The following MAPKAP1 variants were observed in gnomAD, a reference collection of about 807,000 sequenced individuals.
The protein encoded by MAPKAP1 is MAPK associated protein 1.
A neutral mutation model predicts 65.7 loss-of-function variants in MAPKAP1; 20 were observed. That is an observed-to-expected ratio of 0.30 (90% CI 0.21 to 0.44). The LOEUF (loss-of-function observed/expected upper bound fraction) is 0.44. Ranked by LOEUF, MAPKAP1 falls within the 20% of genes least tolerant of loss-of-function variation. MAPKAP1 has a pLI of 1.00. For missense variants in MAPKAP1, 423 were observed against 648.0 expected (o/e 0.65, Z 3.77); for synonymous variants, 222 against 244.3 (o/e 0.91, Z 0.85).
chr9:125,635,647 A>C (rs1382734674), intron 4 of MAPKAP1, among the ~76,000 whole-genome samples: 1 of 152,236 alleles, frequency 6.6e-6, no homozygotes, highest in Non-Finnish European at 1.5e-5. Flanking sequence ...AACTCAACAC[A>C]AAAGCAGGTA....
intron 4 of MAPKAP1, among the ~76,000 whole-genome samples, chr9:125,649,798 CAAA>C (rs35503728): frequency 6.6e-5 from 5 of 76,202 alleles, no homozygotes; most frequent in African/African-American, 5.6e-5. Context: ...AACTCCGTCT[CAAA>C]AAAAAAAAAA....
At chr9:125,456,950 TC>T (rs933125309) in intron 10 of MAPKAP1, among the ~76,000 whole-genome samples, 10 of 152,144 alleles carry the variant, frequency 6.6e-5, no homozygotes, top group Admixed American at 5.9e-4. Flanking sequence ...AATGCACTGA[TC>T]TTTTTTCATC....
At chr9:125,648,702 G>A (rs934564934) in intron 4 of MAPKAP1, among the ~76,000 whole-genome samples, 1 of 152,296 alleles carries the variant, frequency 6.6e-6, no homozygotes, top group African/African-American at 2.4e-5. Context: ...CAGCACTTTG[G>A]GAGGCCGAGG....
intron 9 of MAPKAP1, among the ~76,000 whole-genome samples, chr9:125,472,696 C>T (rs114219387): frequency 0.011 from 1,653 of 152,144 alleles, 39 homozygotes; most frequent in African/African-American, 0.037. Flanking sequence ...AATAGTTGAT[C>T]CAACAATGAT....
At chr9:125,501,577 A>G (rs1828983147) in intron 8 of MAPKAP1, among the ~76,000 whole-genome samples, 1 of 152,174 alleles carries the variant, frequency 6.6e-6, no homozygotes, top group African/African-American at 2.4e-5. Flanking sequence ...CAGTGGATAT[A>G]GGATTGGAGT....
intron 1 of MAPKAP1, among the ~76,000 whole-genome samples, chr9:125,699,700 A>G (rs992989576): frequency 6.7e-6 from 1 of 150,120 alleles, no homozygotes; most frequent in Non-Finnish European, 1.5e-5. Flanking sequence ...TGGTGTGATC[A>G]TGGCTCACAG....
chr9:125,691,419 TG>T (rs985519932), intron 1 of MAPKAP1, among the ~76,000 whole-genome samples: 1 of 151,940 alleles, frequency 6.6e-6, no homozygotes, highest in Admixed American at 6.6e-5. Flanking sequence ...AGTGGGGAGA[TG>T]AGGAGTTATG....
intron 4 of MAPKAP1, among the ~76,000 whole-genome samples, chr9:125,645,484 C>A (rs774925308): frequency 3.3e-5 from 5 of 152,188 alleles, no homozygotes; most frequent in Non-Finnish European, 7.3e-5. Context: ...CGCCTATGAT[C>A]CCAGCACTTT....
At chr9:125,697,329 TA>T (rs1353544374) in intron 1 of MAPKAP1, among the ~76,000 whole-genome samples, 1 of 152,246 alleles carries the variant, frequency 6.6e-6, no homozygotes, top group Non-Finnish European at 1.5e-5. Flanking sequence ...ATATCAATTT[TA>T]AACTATGATT....
At chr9:125,494,707 T>C (rs775559648) in intron 8 of MAPKAP1, among the ~76,000 whole-genome samples, 1 of 152,180 alleles carries the variant, frequency 6.6e-6, no homozygotes, top group Non-Finnish European at 1.5e-5. Context: ...AAGCTCCTTC[T>C]CATCTCAAAG....
In MAPKAP1 at chr9:125,439,545, A is replaced by G. The variant is rs945201206; in HGVS notation, c.1444-533T>C. Among the ~76,000 whole-genome samples the G allele has an allele frequency of 6.6e-6, 1 of 152,190 alleles. No individual in the cohort carries two copies. Among genetic ancestry groups the G allele is most frequent in the African/African-American group, 2.4e-5 (1 of 41,458 alleles). ...CCCAGCCAGGCAGGGCTCACTTGAC[A>G]AAAAGGAAAGAGGCTCAGAGAGGGA... On this transcript the variant is annotated intron_variant, in intron 11 of 11. Coordinates refer to ENST00000265960, the MANE Select transcript of MAPKAP1 (RefSeq NM_001006617.3). This position sits in a 1 kb window ranked among gnomAD's most constrained non-coding sequence, Gnocchi z 4.0.
chr9:125,562,758 G>C (rs545654877), intron 5 of MAPKAP1, among the ~76,000 whole-genome samples: 1 of 152,312 alleles, frequency 6.6e-6, no homozygotes, highest in East Asian at 1.9e-4. Context: ...CATCAACTTT[G>C]TAAATGAATC....
chr9:125,640,294 AG>A (rs1340430185), intron 4 of MAPKAP1, among the ~76,000 whole-genome samples: 1 of 151,908 alleles, frequency 6.6e-6, no homozygotes, highest in South Asian at 2.1e-4. Flanking sequence ...TAGTAGAGAC[AG>A]GGTTTCATCG....
chr9:125,697,417 A>C (rs2131867370), intron 1 of MAPKAP1, among the ~76,000 whole-genome samples: 1 of 152,242 alleles, frequency 6.6e-6, no homozygotes, highest in South Asian at 2.1e-4. Context: ...CTCACCACCT[A>C]TTTCTTTTCT....
intron 4 of MAPKAP1, among the ~76,000 whole-genome samples, chr9:125,655,970 A>G (rs1328717171): frequency 6.6e-6 from 1 of 152,206 alleles, no homozygotes; most frequent in Non-Finnish European, 1.5e-5. Context: ...ATATATACAC[A>G]CCAAGCAGAG....
intron 8 of MAPKAP1, among the ~76,000 whole-genome samples, chr9:125,487,493 T>C (rs887698148): frequency 2.0e-5 from 3 of 152,162 alleles, no homozygotes; most frequent in African/African-American, 7.2e-5. Context: ...ATGCTATTAT[T>C]AGATACAATT....
At chr9:125,596,502 A>T (rs1215065169) in intron 4 of MAPKAP1, 5 of 738,240 alleles carry the variant, frequency 6.8e-6, no homozygotes, top group Non-Finnish European at 1.2e-5. Context: ...TGATGAAAGG[A>T]AACTTTGGAG....
At chr9:125,673,068 T>C (rs1763077168) in intron 1 of MAPKAP1, among the ~76,000 whole-genome samples, 2 of 152,252 alleles carry the variant, frequency 1.3e-5, no homozygotes, top group Non-Finnish European at 1.5e-5. Flanking sequence ...TTTCATCAGT[T>C]TACATTTCCC....
intron 1 of MAPKAP1, among the ~76,000 whole-genome samples, chr9:125,685,551 G>T (rs1480288046): frequency 1.3e-5 from 2 of 152,268 alleles, no homozygotes; most frequent in African/African-American, 4.8e-5. Context: ...CTGGAGGATT[G>T]TGAATGATCT....
Sources: gnomAD v4.1 joint callset for allele counts (sites outside exome capture counted in the v4.1 genomes callset) on GRCh38, gnomAD v4.1.1 for gene constraint, Gnocchi (gnomAD v3.1) non-coding constraint, MANE v1.5 for transcripts, NCBI Gene and HGNC (gene_info 2026-07-23, HGNC 2026-07-21) for gene names.